PLSCR2: variants seen among roughly 807,000 people sequenced by gnomAD.
PLSCR2 encodes the protein phospholipid scramblase 2.
A neutral mutation model predicts 25.3 loss-of-function variants in PLSCR2; 18 were observed. That is an observed-to-expected ratio of 0.71 (90% CI 0.49 to 1.06). The LOEUF is 1.06. Ranked by LOEUF, PLSCR2 falls within the 50% of genes least tolerant of loss-of-function variation. The pLI is 0.00. For synonymous variants in PLSCR2, 88 were observed against 87.3 expected, an observed-to-expected ratio of 1.01 and a Z score of -0.04; for missense variants, 243 against 269.5, an observed-to-expected ratio of 0.90 and a Z score of 0.69.
chr3:146,445,913 T>A (rs1371121136), intron 6 of PLSCR2, among the ~76,000 whole-genome samples: 1 of 152,220 alleles, frequency 6.6e-6, no homozygotes, highest in Non-Finnish European at 1.5e-5. Context: ...TTCTGCTCCA[T>A]CAGCTCTACT....
intron 1 of PLSCR2, among the ~76,000 whole-genome samples, chr3:146,480,715 C>G (rs536776523): frequency 1.3e-5 from 2 of 152,286 alleles, no homozygotes; most frequent in Admixed American, 1.3e-4. Context: ...AAGAGGGAAT[C>G]CTCCCTAACT....
downstream of PLSCR2, among the ~76,000 whole-genome samples, chr3:146,432,930 A>T (rs1443898262): frequency 2.6e-5 from 4 of 151,972 alleles, no homozygotes; most frequent in Admixed American, 6.6e-5. Flanking sequence ...TTGCAAATAA[A>T]TTTTTTTTAC....
At chr3:146,492,864 TG>T (rs1169806566) in intron 1 of PLSCR2, among the ~76,000 whole-genome samples, 3 of 151,874 alleles carry the variant, frequency 2.0e-5, no homozygotes, top group African/African-American at 7.2e-5. Flanking sequence ...GACCAAAACT[TG>T]GTTTTTTAAA....
chr3:146,484,140 G>A (rs1412623940), intron 1 of PLSCR2, among the ~76,000 whole-genome samples: 2 of 151,562 alleles, frequency 1.3e-5, no homozygotes, highest in Admixed American at 6.6e-5. Flanking sequence ...ACTTTGTGAT[G>A]CAAACACAAG....
At chr3:146,409,692 C>A (rs549348474) in intron 2 of PLSCR2, among the ~76,000 whole-genome samples, 1 of 151,966 alleles carries the variant, frequency 6.6e-6, no homozygotes, top group Non-Finnish European at 1.5e-5. Flanking sequence ...TCTGAAAAAC[C>A]GAGAGAAAAA....
intron 6 of PLSCR2, among the ~76,000 whole-genome samples, chr3:146,446,509 C>A (rs1291948507): frequency 6.6e-6 from 1 of 152,128 alleles, no homozygotes; most frequent in East Asian, 1.9e-4. Flanking sequence ...TTTCCCCCAA[C>A]AAGGAGCGTC....
At chr3:146,480,874 G>A (rs2043106007) in intron 1 of PLSCR2, among the ~76,000 whole-genome samples, 1 of 151,964 alleles carries the variant, frequency 6.6e-6, no homozygotes, top group African/African-American at 2.4e-5. Context: ...ACATCAAAAA[G>A]CTTATCCACC....
intron 1 of PLSCR2, among the ~76,000 whole-genome samples, chr3:146,490,757 G>A (rs1211665636): frequency 1.3e-5 from 2 of 152,050 alleles, no homozygotes; most frequent in African/African-American, 2.4e-5. Flanking sequence ...GTTGAGATGG[G>A]TCTCTTGAAG....
chr3:146,454,237 G>C, intron 4 of PLSCR2, 74 bp from the exon 5 acceptor site: 1 of 1,075,026 alleles, frequency 9.3e-7, no homozygotes, highest in Admixed American at 3.1e-5. Context: ...CTAATTTACT[G>C]AGCATTTCCT....
rs753096167 is a variant in PLSCR2 at position 146,458,502 on chromosome 3, GAACT to G, written c.58-53_58-50del. The G allele has an allele frequency of 5.2e-5, 64 of 1,242,580 alleles. No homozygotes were observed. In the East Asian group the frequency reaches 1.6e-3, roughly 32 times the overall value. 77.0% of individuals were successfully genotyped at this position (1,242,580 alleles called of 1,614,324 possible). A position where few individuals can be genotyped will look rare whatever the true frequency, so the allele number is the denominator to read the frequency against. On this transcript the variant is annotated intron_variant, in intron 2 of 6. Transcript: ENST00000610787. ...AGTTGTATGTCAAATATTTTATAGA[GAACT>G]AATTACTATTCATGTTTTTATTTAA...
chr3:146,460,874 C>T (rs2041533898), upstream of PLSCR2, among the ~76,000 whole-genome samples: 1 of 152,130 alleles, frequency 6.6e-6, no homozygotes, highest in Non-Finnish European at 1.5e-5. Flanking sequence ...TCTCCTGTTT[C>T]CCTTGATATT....
At chr3:146,392,849 T>C (rs1315377572) in intron 3 of PLSCR2, among the ~76,000 whole-genome samples, 1 of 97,528 alleles carries the variant, frequency 1.0e-5, no homozygotes, top group Non-Finnish European at 2.2e-5. Flanking sequence ...TTGGGTTTAT[T>C]CTTTTTTTTT....
At chr3:146,469,285 T>C in intron 1 of PLSCR2, 1 of 985,568 alleles carries the variant, frequency 1.0e-6, no homozygotes, top group Non-Finnish European at 1.2e-6. Flanking sequence ...CCCTTGTCAT[T>C]CGAACGGTTC....
exon 4 of PLSCR2, chr3:146,455,354 C>T (rs1325517911): frequency 3.7e-6 from 6 of 1,613,558 alleles, no homozygotes; most frequent in Admixed American, 1.7e-5. Context: ...AGACCGCCCA[C>T]AGCAATTTCG....
intron 3 of PLSCR2, among the ~76,000 whole-genome samples, chr3:146,392,811 G>C (rs1382278179): frequency 6.8e-6 from 1 of 147,426 alleles, no homozygotes; most frequent in Non-Finnish European, 1.5e-5. Flanking sequence ...TTTGCTTAAT[G>C]GTTCAATATC....
At chr3:146,488,409 A>G (rs2043423758) in intron 1 of PLSCR2, among the ~76,000 whole-genome samples, 1 of 152,170 alleles carries the variant, frequency 6.6e-6, no homozygotes, top group Non-Finnish European at 1.5e-5. Flanking sequence ...GAGTGAGAGA[A>G]AAGTTTTGCA....
At chr3:146,481,551 T>C (rs1478910170) in intron 1 of PLSCR2, among the ~76,000 whole-genome samples, 1 of 152,136 alleles carries the variant, frequency 6.6e-6, no homozygotes, top group Non-Finnish European at 1.5e-5. Flanking sequence ...CAAGGAGAAC[T>C]ACAAACCACT....
chr3:146,475,846 A>G (rs1388380172), intron 1 of PLSCR2, among the ~76,000 whole-genome samples: 1 of 152,042 alleles, frequency 6.6e-6, no homozygotes, highest in Admixed American at 6.6e-5. Context: ...GAGAGAGATT[A>G]TTTCTTTTTC....
At chr3:146,437,578 C>T (rs1209739376), downstream of PLSCR2, among the ~76,000 whole-genome samples, 7 of 152,124 alleles carry the variant, frequency 4.6e-5, no homozygotes, top group African/African-American at 1.7e-4. Context: ...TTATAGTATT[C>T]TCTGATGGTA....
Sources: gnomAD v4.1 joint callset for allele counts (sites outside exome capture counted in the v4.1 genomes callset) on GRCh38, gnomAD v4.1.1 for gene constraint, MANE v1.5 for transcripts, NCBI Gene and HGNC (gene_info 2026-07-23, HGNC 2026-07-21) for gene names.